The following RBFOX1 variants were observed in gnomAD, a reference collection of about 807,000 sequenced individuals.
RBFOX1 encodes the protein RNA binding protein fox-1 homolog 1.
Under a neutral mutation model 57.7 loss-of-function variants are expected in RBFOX1, and 8 were observed. That is an observed-to-expected ratio of 0.14 (90% confidence interval 0.08 to 0.25). RBFOX1 has a LOEUF of 0.25. Ranked by LOEUF, RBFOX1 falls within the 10% of genes least tolerant of loss-of-function variation. The pLI is 1.00. For missense variants in RBFOX1, 611 were observed against 548.5 expected, an observed-to-expected ratio of 1.11 and a Z score of -1.14; for synonymous variants, 326 against 222.4, an observed-to-expected ratio of 1.47 and a Z score of -4.15.
Position 5,792,204 on chromosome 16 carries a change from T to C in RBFOX1, c.319-75099T>C, listed in dbSNP as rs140170121. Reference sequence around the variant, plus strand: ...GGCCAATTTTCAAGTGATGTGTGTATGCTGCTGGCACTGAATGGCTTCTCT... The same window carrying C: ...GGCCAATTTTCAAGTGATGTGTGTACGCTGCTGGCACTGAATGGCTTCTCT... On this transcript the variant is annotated intron_variant, in intron 3 of 19. Transcript: ENST00000641259. 4.5e-4 allele frequency among the ~76,000 whole-genome samples: 69 copies of C among 152,340 alleles called. 1 individual carries two copies. In the East Asian group the frequency reaches 0.012, roughly 27 times the overall value.
intron 3 of RBFOX1, among the ~76,000 whole-genome samples, chr16:6,870,905 G>A (rs1042346085): frequency 2.6e-5 from 4 of 152,120 alleles, no homozygotes; most frequent in Non-Finnish European, 5.9e-5. Context: ...CATTTATAAA[G>A]AGAATAAAAA....
At chr16:6,910,552 C>T (rs112949616) in intron 3 of RBFOX1, among the ~76,000 whole-genome samples, 12 of 152,292 alleles carry the variant, frequency 7.9e-5, no homozygotes, top group African/African-American at 2.9e-4. Context: ...AAGTCCAAAA[C>T]GGCCCCTATT....
intron 1 of RBFOX1, among the ~76,000 whole-genome samples, chr16:6,197,795 C>T (rs899739436): frequency 3.9e-5 from 6 of 152,068 alleles, no homozygotes; most frequent in Non-Finnish European, 5.9e-5. Flanking sequence ...TCCCTCCTCC[C>T]ACCCTCCATC....
At chr16:6,872,465 T>A (rs547363241) in intron 3 of RBFOX1, among the ~76,000 whole-genome samples, 2 of 152,330 alleles carry the variant, frequency 1.3e-5, no homozygotes, top group Middle Eastern at 6.8e-3. Flanking sequence ...AGGAAACAGC[T>A]GAATTAGCCC....
intron 2 of RBFOX1, among the ~76,000 whole-genome samples, chr16:5,493,217 G>T (rs1209293856): frequency 6.6e-6 from 1 of 152,132 alleles, no homozygotes; most frequent in African/African-American, 2.4e-5. Flanking sequence ...TTTTTTATTT[G>T]CTTATTTTCA....
intron 11 of RBFOX1, among the ~76,000 whole-genome samples, chr16:7,640,016 C>T (rs1249940805): frequency 2.0e-5 from 3 of 152,204 alleles, no homozygotes; most frequent in Non-Finnish European, 4.4e-5. Context: ...CTCAACTTTT[C>T]CCATGTCCCA....
At chr16:6,854,489 T>G (rs960127929) in intron 3 of RBFOX1, among the ~76,000 whole-genome samples, 2 of 151,964 alleles carry the variant, frequency 1.3e-5, no homozygotes, top group South Asian at 2.1e-4. Flanking sequence ...ATAGGAAGTT[T>G]AGCGAAGTTG....
intron 3 of RBFOX1, among the ~76,000 whole-genome samples, chr16:5,804,708 T>C (rs1282046252): frequency 6.6e-6 from 1 of 152,168 alleles, no homozygotes; most frequent in African/African-American, 2.4e-5. Flanking sequence ...TTTCAGCAAG[T>C]TGGTCCTGGA....
intron 1 of RBFOX1, among the ~76,000 whole-genome samples, chr16:6,272,226 C>T (rs2075291792): frequency 6.6e-6 from 1 of 152,050 alleles, no homozygotes; most frequent in East Asian, 1.9e-4. Context: ...TATGTAGAAA[C>T]ATACTTGATA....
chr16:6,827,184 C>A (rs899386212), intron 3 of RBFOX1, among the ~76,000 whole-genome samples: 2 of 142,812 alleles, frequency 1.4e-5, no homozygotes, highest in Non-Finnish European at 3.0e-5. Flanking sequence ...AAAAATAAAT[C>A]CATTGTATTA....
chr16:7,222,259 C>G (rs915227622), intron 4 of RBFOX1, among the ~76,000 whole-genome samples: 10 of 152,114 alleles, frequency 6.6e-5, no homozygotes, highest in Admixed American at 5.2e-4. Context: ...TACATGAGGG[C>G]AAGGAGTCTC....
chr16:7,442,232 A>G (rs1039295988), intron 4 of RBFOX1, among the ~76,000 whole-genome samples: 5 of 152,114 alleles, frequency 3.3e-5, no homozygotes, highest in South Asian at 4.2e-4. Context: ...GACTACTCCA[A>G]TGCCAGGTGT....
chr16:6,407,731 A>G (rs1263192818), intron 2 of RBFOX1, among the ~76,000 whole-genome samples: 1 of 152,122 alleles, frequency 6.6e-6, no homozygotes, highest in Non-Finnish European at 1.5e-5. Context: ...CTATGAAGGA[A>G]AAGTACCCAA....
intron 3 of RBFOX1, among the ~76,000 whole-genome samples, chr16:5,605,231 C>T (rs1328490077): frequency 6.6e-6 from 1 of 152,154 alleles, no homozygotes; most frequent in Non-Finnish European, 1.5e-5. Flanking sequence ...TCTCTGATTC[C>T]ACCACCAACT....
chr16:7,202,442 G>C (rs1005260241), intron 4 of RBFOX1, among the ~76,000 whole-genome samples: 1 of 152,060 alleles, frequency 6.6e-6, no homozygotes, highest in Non-Finnish European at 1.5e-5. Flanking sequence ...ATTAAAAATA[G>C]AACTGCCAGA....
At chr16:5,404,193 C>A in intron 1 of RBFOX1, among the ~76,000 whole-genome samples, 1 of 152,056 alleles carries the variant, frequency 6.6e-6, no homozygotes, top group East Asian at 1.9e-4. Flanking sequence ...TTAATTCATA[C>A]AATGTACCTT....
At position 6,222,394 on chromosome 16, in the gene RBFOX1, A is replaced by G. The variant is rs2097380331; in HGVS notation, c.-126-94601A>G. 2.0e-5 allele frequency among the ~76,000 whole-genome samples: 3 copies of G among 152,032 alleles called. No individual in the cohort carries two copies. The South Asian group carries it at 6.2e-4, about 32-fold the overall frequency. On this transcript the variant is annotated intron_variant, in intron 1 of 15. Coordinates refer to ENST00000550418, the MANE Select transcript of RBFOX1 (RefSeq NM_018723.4). ...AAAAACATAACAAAAAGGGTTAGAC[A>G]AGAGTGATGTACGTTTTCCCTTCCC...
intron 2 of RBFOX1, among the ~76,000 whole-genome samples, chr16:5,536,832 G>C (rs1193801686): frequency 1.3e-5 from 2 of 152,182 alleles, no homozygotes; most frequent in African/African-American, 4.8e-5. Flanking sequence ...TTGGTCAACA[G>C]ACAGCAGGTG....
chr16:6,554,497 C>T (rs1256991244), intron 2 of RBFOX1, among the ~76,000 whole-genome samples: 1 of 152,168 alleles, frequency 6.6e-6, no homozygotes, highest in Non-Finnish European at 1.5e-5. Context: ...CTGAAAGCTA[C>T]TGAATCGTGT....
Sources: gnomAD v4.1 joint callset for allele counts (sites outside exome capture counted in the v4.1 genomes callset) on GRCh38, gnomAD v4.1.1 for gene constraint, MANE v1.5 for transcripts, NCBI Gene and HGNC (gene_info 2026-07-23, HGNC 2026-07-21) for gene names.